COL4A1: variants seen among roughly 807,000 people sequenced by gnomAD.
COL4A1 encodes collagen alpha-1(IV) chain.
A neutral mutation model predicts 216.6 loss-of-function variants in COL4A1; 40 were observed. The observed-to-expected ratio is 0.18, with a 90% CI of 0.14 to 0.24. The LOEUF (loss-of-function observed/expected upper bound fraction) is 0.24, where lower values mean the gene tolerates loss of function less well. COL4A1 is among the 10% of genes least tolerant of loss of function. COL4A1 has a pLI of 1.00. For missense variants in COL4A1, 1,628 were observed against 2,196.8 expected (o/e 0.74, Z 5.18); for synonymous variants, 839 against 810.7 (o/e 1.03, Z -0.59).
intron 36 of COL4A1, 48 bp from the exon 37 acceptor site, chr13:110,175,405 G>C (rs773372400): frequency 1.2e-6 from 2 of 1,611,482 alleles, no homozygotes; most frequent in Admixed American, 3.4e-5. Flanking sequence ...GCTAGTGCTG[G>C]TATTACAAAT....
chr13:110,184,051 A>C (rs9588109), intron 26 of COL4A1, among the ~76,000 whole-genome samples: 15,891 of 152,296 alleles, frequency 0.1, 983 homozygotes, highest in South Asian at 0.14. Context: ...CGACCCTAGG[A>C]AATGCCTGCT....
chr13:110,253,471 A>G (rs1483493606), intron 1 of COL4A1, among the ~76,000 whole-genome samples: 2 of 56,588 alleles, frequency 3.5e-5, no homozygotes, highest in African/African-American at 9.8e-5. Flanking sequence ...TTACATATAC[A>G]TATAATTATA....
chr13:110,158,664 G>A (rs1242837949), intron 49 of COL4A1, among the ~76,000 whole-genome samples: 4 of 151,504 alleles, frequency 2.6e-5, no homozygotes, highest in East Asian at 1.9e-4. Flanking sequence ...GTAAAATTAC[G>A]GAATAGCTTC....
chr13:110,306,895 G>A (rs1884751912), intron 1 of COL4A1, 49 bp downstream of exon 1: 7 of 1,418,810 alleles, frequency 4.9e-6, no homozygotes, highest in Admixed American at 5.4e-5. Flanking sequence ...CTCTCGGGGC[G>A]CCCAAGCTCG....
intron 1 of COL4A1, among the ~76,000 whole-genome samples, chr13:110,247,656 A>G (rs541775562): frequency 6.6e-6 from 1 of 152,310 alleles, no homozygotes; most frequent in East Asian, 1.9e-4. Context: ...TCTCGCATCT[A>G]CAGACCAAGA....
chr13:110,288,179 A>T (rs1408598494), intron 1 of COL4A1, among the ~76,000 whole-genome samples: 1 of 151,694 alleles, frequency 6.6e-6, no homozygotes, highest in African/African-American at 2.4e-5. Context: ...CAGGAGAATA[A>T]CTTGAACACG....
intron 1 of COL4A1, among the ~76,000 whole-genome samples, chr13:110,247,962 AT>A (rs34117435): frequency 0.14 from 21,328 of 151,466 alleles, 1,805 homozygotes; most frequent in Non-Finnish European, 0.2. Flanking sequence ...CAATTTTCTG[AT>A]TTTTTTTCCT....
In COL4A1 at chr13:110,268,229, G is replaced by A. The variant is rs1247607556; in HGVS notation, c.85-25495C>T. On this transcript the variant is annotated intron_variant, in intron 1 of 51. Coordinates refer to ENST00000375820, the MANE Select transcript of COL4A1 (RefSeq NM_001845.6). This position sits in a 1 kb window ranked among gnomAD's most constrained non-coding sequence, Gnocchi z 4.1. ...TGTCCTGCCTCAGAGCACCGGCACT[G>A]CCAGTCCAAAACCAGGAAAGGCATA... 6.6e-6 allele frequency among the ~76,000 whole-genome samples: 1 copy of A among 152,174 alleles called. No individual in the cohort carries two copies. The highest frequency in any genetic ancestry group is 6.5e-5 in the Admixed American group (1 of 15,278).
intron 2 of COL4A1, among the ~76,000 whole-genome samples, chr13:110,235,992 A>C (rs1881300890): frequency 6.6e-6 from 1 of 152,224 alleles, no homozygotes; most frequent in Non-Finnish European, 1.5e-5. Context: ...CCTGTCTCAA[A>C]AAGGAATTTC....
At chr13:110,294,657 A>C (rs1344236419) in intron 1 of COL4A1, among the ~76,000 whole-genome samples, 1 of 152,110 alleles carries the variant, frequency 6.6e-6, no homozygotes, top group Non-Finnish European at 1.5e-5. Flanking sequence ...CCTATAAAGG[A>C]CTCCAGTCTC....
chr13:110,149,494 C>T lies in COL4A1; in HGVS notation c.*869G>A, dbSNP rs552877576. 1 of 152,670 alleles carries T rather than the reference C, an allele frequency of 6.6e-6. No individual in the cohort carries two copies. Among genetic ancestry groups the T allele is most frequent in the African/African-American group, 2.4e-5 (1 of 41,520 alleles). The allele number at this position is 152,670 out of a possible 1,614,324, so 9.5% of individuals were successfully genotyped here. A position where few individuals can be genotyped will look rare whatever the true frequency, so the allele number is the denominator to read the frequency against. On this transcript the variant is annotated 3_prime_UTR_variant, in exon 52 of 52. Transcript: ENST00000375820. ...GTACATGTTTCACTATAATAGACAC[C>T]ATATTCATGAACCTGGGTTTGGTTT...
In COL4A1 at chr13:110,162,018, C is replaced by T. The variant is rs2298238; in HGVS notation, c.4462+212G>A. 2.2e-3 allele frequency: 1,367 copies of T among 633,674 alleles called. 9 individuals are homozygous for T. The East Asian group carries it at 0.022, about 10-fold the overall frequency. 39.3% of individuals were successfully genotyped at this position (633,674 alleles called of 1,614,324 possible). A position where few individuals can be genotyped will look rare whatever the true frequency, so the allele number is the denominator to read the frequency against. Reference sequence around the variant, plus strand: ...TTCAGTCTCCACATTTCTTGGCTTGCCATTAGTAATACAGCAGCTGTTGAA... The same window carrying T: ...TTCAGTCTCCACATTTCTTGGCTTGTCATTAGTAATACAGCAGCTGTTGAA... On this transcript the variant is annotated intron_variant, in intron 48 of 51. Transcript: ENST00000375820.
rs531982464 is a variant in COL4A1 at position 110,207,211 on chromosome 13, G to A, written c.780+192C>T. Among the ~76,000 whole-genome samples the A allele has an allele frequency of 1.2e-4, 18 of 152,108 alleles. No individual in the cohort carries two copies. The highest frequency in any genetic ancestry group is 4.1e-4 in the African/African-American group (17 of 41,486). On this transcript the variant is annotated intron_variant, in intron 13 of 51. Coordinates refer to ENST00000375820, the MANE Select transcript of COL4A1 (RefSeq NM_001845.6). The surrounding 1 kb of genome is among the most constrained non-coding windows in gnomAD (Gnocchi z 4.4). The stretch of plus-strand genomic sequence containing the variant: ...CGGGGTGAGCCTCAGATCAGGCTTG[G>A]ACCAATCCAGTTCCAGCTGTCTCTG...
At chr13:110,209,159 C>T (rs996309984) in intron 11 of COL4A1, among the ~76,000 whole-genome samples, 3 of 7,192 alleles carry the variant, frequency 4.2e-4, no homozygotes. Flanking sequence ...AGGGAAATAT[C>T]AGTGTGATTC....
Position 110,183,014 on chromosome 13 carries a change from G to T in COL4A1, c.2074C>A (p.Pro692Thr). ...TTACCTTTGGGGCCGGGGGGCCCTG[G>T]AAATCCAATGCCTGGCTGGCCCACA... ...GAVGQPGIGF[P>T]GPPGPKGVDG... The change falls in exon 28 of 52, where the codon CCA becomes ACA. Residue 692 changes from proline (P) to threonine (T), a missense_variant. Coordinates refer to ENST00000375820, the MANE Select transcript of COL4A1 (RefSeq NM_001845.6). 2 of 1,613,042 alleles carry T rather than the reference G, an allele frequency of 1.2e-6. No individual in the cohort carries two copies. The highest frequency in any genetic ancestry group is 1.7e-6 in the Non-Finnish European group (2 of 1,179,788).
intron 2 of COL4A1, among the ~76,000 whole-genome samples, chr13:110,233,150 T>C (rs1881144108): frequency 6.6e-6 from 1 of 152,210 alleles, no homozygotes. Context: ...AATTCAGGCA[T>C]ATTTTTAAAA....
At position 110,149,986 on chromosome 13, in the gene COL4A1, AG is replaced by A. The variant is rs1036082893; in HGVS notation, c.*376del. ...TAAACAAACATTTATCTCTGGGGGTAGAAAATTAATTATAATACAAGAATGA... is the reference window on the plus strand; with the variant it reads ...TAAACAAACATTTATCTCTGGGGGTAAAAATTAATTATAATACAAGAATGA... On this transcript the variant is annotated 3_prime_UTR_variant, in exon 52 of 52. Coordinates refer to ENST00000375820, the MANE Select transcript of COL4A1 (RefSeq NM_001845.6). 3.0e-6 allele frequency: 1 copy of A among 334,520 alleles called. No individual in the cohort carries two copies. Among genetic ancestry groups the A allele is most frequent in the African/African-American group, 2.1e-5 (1 of 46,664 alleles). The allele number at this position is 334,520 out of a possible 1,614,324, so 20.7% of individuals were successfully genotyped here. A position where few individuals can be genotyped will look rare whatever the true frequency, so the allele number is the denominator to read the frequency against.
Position 110,287,984 on chromosome 13 carries a change from C to T in COL4A1, c.84+18960G>A, listed in dbSNP as rs143346179. ...TCAAGAAGCCTGAGTGGTCTGGGCG[C>T]GGTGGCTCACGCCTGTAATCTCAGC... is the stretch of plus-strand genomic sequence containing the variant. On this transcript the variant is annotated intron_variant, in intron 1 of 51. Transcript: ENST00000375820. Among the ~76,000 whole-genome samples the T allele has an allele frequency of 3.8e-3, 571 of 151,846 alleles. 2 individuals carry two copies. The highest frequency in any genetic ancestry group is 0.012 in the African/African-American group (497 of 41,436).
rs777736661 is a variant in COL4A1, at chr13:110,178,951, A to C, written c.2430T>G (p.Pro810=). Residue 810 remains proline (P), a synonymous_variant, in exon 31 of 52, where the codon CCT becomes CCG. Transcript: ENST00000375820. ...GIGPPGARGP[P]GGQGPPGLSG... is the part of the protein sequence containing the mutation. ...ACAACCCCGGTGGTCCCTGTCCTCC[A>C]GGGGGACCCCTAGCTCCAGGGGGGC... is the stretch of plus-strand genomic sequence containing the variant. The C allele has an allele frequency of 1.9e-6, 3 of 1,612,210 alleles. No individual in the cohort carries two copies. The highest frequency in any genetic ancestry group is 2.5e-6 in the Non-Finnish European group (3 of 1,179,608).
Sources: allele counts gnomAD v4.1 joint callset (sites outside exome capture counted in the v4.1 genomes callset), GRCh38; gene constraint gnomAD v4.1.1; non-coding constraint Gnocchi (gnomAD v3.1); transcripts MANE v1.5; gene names NCBI Gene and HGNC (gene_info 2026-07-23, HGNC 2026-07-21).